WNK2: variants seen among roughly 807,000 people sequenced by gnomAD.
WNK2 encodes the protein WNK lysine deficient protein kinase 2, also known as serine/threonine-protein kinase WNK2.
A neutral mutation model predicts 192.1 loss-of-function variants in WNK2; 67 were observed. The ratio of observed to expected loss-of-function variants is 0.35; its 90% confidence interval spans 0.29 to 0.43. The LOEUF (loss-of-function observed/expected upper bound fraction) is 0.43. Ranked by LOEUF, WNK2 falls within the 20% of genes least tolerant of loss-of-function variation. The pLI is 1.00. For synonymous variants in WNK2, 1,439 were observed against 1,393.9 expected (o/e 1.03, Z -0.72); for missense variants, 2,698 against 3,089.7 (o/e 0.87, Z 3.01).
intron 7 of WNK2, among the ~76,000 whole-genome samples, chr9:93,244,996 C>A (rs1045516428): frequency 6.6e-6 from 1 of 152,122 alleles, no homozygotes; most frequent in Non-Finnish European, 1.5e-5. Flanking sequence ...GAGCCGTAAG[C>A]TTCTGTCCCA....
chr9:93,292,974 G>T lies in WNK2; in HGVS notation c.5509G>T (p.Val1837Leu), dbSNP rs572566317. 6.5e-7 allele frequency: 1 copy of T among 1,544,034 alleles called. No individual in the cohort carries two copies. Reference protein sequence around the residue: ...PVSGSVAGDFVKKATAFLQRP... With the variant: ...PVSGSVAGDFLKKATAFLQRP... ...GAGTGGCAGCGTGGCTGGCGACTTC[G>T]TGAAGAAGGCCACCGCCTTCCTGCA... The change falls in exon 23 of 30, where the codon GTG (valine) becomes TTG (leucine). Residue 1837 changes from valine (V) to leucine (L), a missense_variant. Around this residue, in one of 7 missense-constraint regions of WNK2, gnomAD observed 1,098 missense variants for 1,101.0 expected, o/e 1.00. Transcript: ENST00000427277.
intron 19 of WNK2, 103 bp from the exon 20 acceptor site, chr9:93,288,684 TG>T: frequency 1.7e-6 from 2 of 1,187,862 alleles, no homozygotes; most frequent in Non-Finnish European, 2.3e-6. Flanking sequence ...ACCAGCACGC[TG>T]GGGCCATGGC....
rs563152111 is a variant in WNK2 at position 93,192,780 on chromosome 9, CT to C, written c.681+7172del. Among the ~76,000 whole-genome samples the C allele has an allele frequency of 4.2e-4, 64 of 152,374 alleles. 1 individual carries two copies. In the South Asian group the frequency reaches 0.011, roughly 26 times the overall value. On this transcript the variant is annotated intron_variant, in intron 2 of 29. Transcript: ENST00000427277. ...GTCCCTTCCCTTGGGAGTTACCCTT[CT>C]TCCCACCCCTGGGCCCTGCTGGCCA...
At chr9:93,291,684 C>T (rs1245724536) in intron 21 of WNK2, among the ~76,000 whole-genome samples, 2 of 152,234 alleles carry the variant, frequency 1.3e-5, no homozygotes, top group Non-Finnish European at 2.9e-5. Context: ...GCTGCTGCCA[C>T]CTTCCCCACG....
intron 2 of WNK2, among the ~76,000 whole-genome samples, chr9:93,221,215 T>G (rs1836825572): frequency 6.6e-6 from 1 of 152,228 alleles, no homozygotes; most frequent in Non-Finnish European, 1.5e-5. Context: ...CGACCTTCCC[T>G]GGACCTCCCC....
intron 19 of WNK2, among the ~76,000 whole-genome samples, chr9:93,276,837 A>G (rs1180335565): frequency 6.6e-6 from 1 of 152,178 alleles, no homozygotes; most frequent in Non-Finnish European, 1.5e-5. Context: ...GGAGTTCAAG[A>G]CCAGCCTGGC....
At chr9:93,315,082 A>G (rs569943541) in intron 28 of WNK2, among the ~76,000 whole-genome samples, 1 of 152,256 alleles carries the variant, frequency 6.6e-6, no homozygotes, top group Non-Finnish European at 1.5e-5. Context: ...CCTCAGCACC[A>G]TTGCCTTGAC....
chr9:93,232,353 G>T (rs1481797899), intron 4 of WNK2, among the ~76,000 whole-genome samples: 3 of 152,212 alleles, frequency 2.0e-5, no homozygotes, highest in Non-Finnish European at 4.4e-5. Flanking sequence ...CCAGGGTTCA[G>T]TTTCCCCATC....
At position 93,239,664 on chromosome 9, in the gene WNK2, T is replaced by C. The variant is rs1041619743; in HGVS notation, c.1323-93T>C. The C allele has an allele frequency of 2.7e-5, 31 of 1,134,702 alleles. No homozygotes were observed. The highest frequency in any genetic ancestry group is 3.8e-5 in the Non-Finnish European group (30 of 795,824). The allele number at this position is 1,134,702 out of a possible 1,614,324, so 70.3% of individuals were successfully genotyped here. Reference sequence around the variant, plus strand: ...GCCTGGCCTCAGGCTCCTGCAGGTGTGCCTGTCCTTGTCCTGGTGCGCATG... The same window carrying C: ...GCCTGGCCTCAGGCTCCTGCAGGTGCGCCTGTCCTTGTCCTGGTGCGCATG... On this transcript the variant is annotated intron_variant, in intron 6 of 29. Transcript: ENST00000427277. This position sits in a 1 kb window ranked among gnomAD's most constrained non-coding sequence, Gnocchi z 4.2.
chr9:93,191,117 G>A (rs1338532070), intron 2 of WNK2, among the ~76,000 whole-genome samples: 3 of 152,086 alleles, frequency 2.0e-5, no homozygotes, highest in Non-Finnish European at 4.4e-5. Context: ...GAAGCAAGTG[G>A]CCACCAAGTC....
At chr9:93,250,312 C>T (rs1273546511) in intron 8 of WNK2, among the ~76,000 whole-genome samples, 1 of 152,192 alleles carries the variant, frequency 6.6e-6, no homozygotes, top group Admixed American at 6.5e-5. Flanking sequence ...CACATATGTA[C>T]ACATGTGAAC....
intron 2 of WNK2, among the ~76,000 whole-genome samples, chr9:93,211,255 C>T (rs373287827): frequency 1.1e-5 from 1 of 90,724 alleles, no homozygotes; most frequent in East Asian, 3.1e-4. Context: ...CTCACTCACT[C>T]ATTCACTCAT....
At chr9:93,195,859 G>C (rs114225665) in intron 2 of WNK2, among the ~76,000 whole-genome samples, 5 of 152,048 alleles carry the variant, frequency 3.3e-5, no homozygotes, top group African/African-American at 1.2e-4. Context: ...AGGGTGTCAC[G>C]ACTTCTAGAA....
At chr9:93,197,093 C>T (rs1373276791) in intron 2 of WNK2, among the ~76,000 whole-genome samples, 1 of 152,220 alleles carries the variant, frequency 6.6e-6, no homozygotes, top group Admixed American at 6.5e-5. Flanking sequence ...CATTTAGCCC[C>T]AACATTTTAT....
intron 2 of WNK2, among the ~76,000 whole-genome samples, chr9:93,214,715 C>T (rs566819115): frequency 1.4e-4 from 19 of 136,866 alleles, no homozygotes; most frequent in African/African-American, 4.6e-4. Flanking sequence ...CCCCCCCGCC[C>T]TCTCTTTGCT....
chr9:93,276,888 T>G (rs530865544), intron 19 of WNK2, among the ~76,000 whole-genome samples: 1 of 152,118 alleles, frequency 6.6e-6, no homozygotes, highest in East Asian at 1.9e-4. Context: ...ATACAAAAAT[T>G]AGCCGGCCGT....
At chr9:93,216,966 C>CT (rs201411351) in intron 2 of WNK2, among the ~76,000 whole-genome samples, 2,379 of 147,048 alleles carry the variant, frequency 0.016, 56 homozygotes, top group African/African-American at 0.055. Flanking sequence ...TCAAAAAAAT[C>CT]TTTTTTTTTT....
chr9:93,210,648 C>T (rs1834331557), intron 2 of WNK2, among the ~76,000 whole-genome samples: 1 of 152,202 alleles, frequency 6.6e-6, no homozygotes. Flanking sequence ...AGGCTCCACT[C>T]TGCATCCCTG....
chr9:93,315,280 C>T (rs554589489), intron 28 of WNK2, among the ~76,000 whole-genome samples: 1 of 152,210 alleles, frequency 6.6e-6, no homozygotes, highest in African/African-American at 2.4e-5. Context: ...TTTCATTTTT[C>T]TGTCAGAATT....
Sources: gnomAD v4.1 joint callset for allele counts (sites outside exome capture counted in the v4.1 genomes callset) on GRCh38, gnomAD v4.1.1 for gene constraint, gnomAD v4.1.1 regional missense constraint, Gnocchi (gnomAD v3.1) non-coding constraint, MANE v1.5 for transcripts, NCBI Gene and HGNC (gene_info 2026-07-23, HGNC 2026-07-21) for gene names.